KIR3DL2: variants seen among roughly 807,000 people sequenced by gnomAD.
KIR3DL2 encodes killer cell immunoglobulin-like receptor 3DL2.
KIR3DL2 carries 42 observed loss-of-function variants against 41.6 expected under a neutral mutation model. The ratio of observed to expected loss-of-function variants is 1.01; its 90% confidence interval spans 0.79 to 1.31. The LOEUF is 1.31. Among genes scored for constraint, KIR3DL2 ranks in the 50% most tolerant of loss-of-function variants. The probability of loss-of-function intolerance (pLI) is 0.00; values close to 1 mark genes in which losing one functional copy is unlikely to be tolerated. For missense variants in KIR3DL2, 728 were observed against 576.8 expected, an observed-to-expected ratio of 1.26 and a Z score of -2.68; for synonymous variants, 230 against 221.3, an observed-to-expected ratio of 1.04 and a Z score of -0.35.
chr19:54,851,316 A>G (rs1279702071), intron 2 of KIR3DL2, 61 bp downstream of exon 2: 30 of 1,557,218 alleles, frequency 1.9e-5, no homozygotes, highest in Middle Eastern at 1.9e-4. Context: ...TTTCTGAAAC[A>G]GGAGGGAAGT....
chr19:54,851,432 G>C (rs1235056883), intron 2 of KIR3DL2, among the ~76,000 whole-genome samples, 177 bp downstream of exon 2: 6 of 151,124 alleles, frequency 4.0e-5, no homozygotes. Context: ...CCTGAGTCAA[G>C]CTCTGTGAAG....
In KIR3DL2 at chr19:54,857,030, TC is replaced by T. The variant is rs551366200; in HGVS notation, c.949+1120del. Among the ~76,000 whole-genome samples the T allele has an allele frequency of 8.8e-3, 1,337 of 152,196 alleles. 17 individuals are homozygous for T. Among genetic ancestry groups the T allele is most frequent in the Admixed American group, 0.019 (287 of 15,296 alleles). On this transcript the variant is annotated intron_variant, in intron 5 of 8. Transcript: ENST00000326321. ...CAGATATCACTTCGATACACTGATG[TC>T]CTTTCCTTTGGATATAAACCCAGTA...
chr19:54,857,663 T>C (rs2064889740), intron 5 of KIR3DL2, among the ~76,000 whole-genome samples: 1 of 151,698 alleles, frequency 6.6e-6, no homozygotes, highest in Admixed American at 6.6e-5. Flanking sequence ...CTGATTCTCC[T>C]GCCTCAGCCT....
chr19:54,864,011 T>C (rs1486063778), intron 6 of KIR3DL2, among the ~76,000 whole-genome samples: 2 of 151,702 alleles, frequency 1.3e-5, no homozygotes. Flanking sequence ...AAGTCTTTAA[T>C]CCATCTCAAA....
intron 6 of KIR3DL2, among the ~76,000 whole-genome samples, chr19:54,860,931 G>C (rs1238259378): frequency 7.2e-6 from 1 of 138,038 alleles, no homozygotes; most frequent in Admixed American, 7.9e-5. Context: ...GAGAGACGGA[G>C]AGCACACTGG....
At chr19:54,861,499 A>G (rs1007924314) in intron 6 of KIR3DL2, among the ~76,000 whole-genome samples, 14 of 151,326 alleles carry the variant, frequency 9.3e-5, no homozygotes, top group Admixed American at 3.9e-4. Context: ...TACAAAAATT[A>G]AACAGGCATG....
At chr19:54,859,992 G>C (rs680297) in intron 6 of KIR3DL2, among the ~76,000 whole-genome samples, 60,489 of 150,854 alleles carry the variant, frequency 0.4, 12,237 homozygotes, top group South Asian at 0.44. Flanking sequence ...CTCCCTTCTT[G>C]CCCTTCTTTT....
intron 6 of KIR3DL2, among the ~76,000 whole-genome samples, chr19:54,863,954 T>A (rs918588338): frequency 2.2e-4 from 34 of 152,128 alleles, no homozygotes; most frequent in Non-Finnish European, 4.1e-4. Flanking sequence ...TGAATGGTAA[T>A]GCCTAGGTTT....
rs774220383 is a variant in KIR3DL2, at chr19:54,855,881, C to T, written c.918C>T (p.Asn306=). The part of the protein sequence containing the change: ...SFRALPCVWS[N]SSDPLLVSVT... ...GTGCCCTGCCCTGCGTGTGGTCAAA[C>T]TCAAGTGACCCACTGCTTGTTTCTG... is the stretch of plus-strand genomic sequence containing the variant. Residue 306 remains asparagine (N), a synonymous_variant, in exon 5 of 9, where the codon AAC becomes AAT. Coordinates refer to ENST00000326321, the MANE Select transcript of KIR3DL2 (RefSeq NM_006737.4). The T allele has an allele frequency of 6.2e-7, 1 of 1,613,380 alleles. No individual in the cohort carries two copies. Among genetic ancestry groups the T allele is most frequent in the Non-Finnish European group, 8.5e-7 (1 of 1,179,932 alleles).
At chr19:54,862,401 T>C (rs371287072) in intron 6 of KIR3DL2, among the ~76,000 whole-genome samples, 2 of 152,124 alleles carry the variant, frequency 1.3e-5, no homozygotes. Flanking sequence ...GTACTGCACC[T>C]GGGCCTATGC....
chr19:54,851,518 AAGCAG>A (rs1485854157), intron 2 of KIR3DL2, among the ~76,000 whole-genome samples: 3 of 151,320 alleles, frequency 2.0e-5, no homozygotes, highest in Non-Finnish European at 4.4e-5. Context: ...AAAGAGAGGG[AAGCAG>A]TGCTAGGAAC....
chr19:54,855,195 TAGAC>T lies in KIR3DL2; in HGVS notation c.656-420_656-417del, dbSNP rs2064642976. On this transcript the variant is annotated intron_variant, in intron 4 of 8. Coordinates refer to ENST00000326321, the MANE Select transcript of KIR3DL2 (RefSeq NM_006737.4). ...AGATAATACATAGATGATTGATGGA[TAGAC>T]AGATAGACAATTGATAGATAAATGA... Among the ~76,000 whole-genome samples the T allele has an allele frequency of 2.0e-5, 3 of 151,444 alleles. No individual in the cohort carries two copies. In the South Asian group the frequency reaches 6.2e-4, roughly 31 times the overall value.
At chr19:54,851,128 G>A in intron 1 of KIR3DL2, 92 bp from the exon 2 acceptor site, 1 of 1,504,224 alleles carries the variant, frequency 6.6e-7, no homozygotes, top group South Asian at 1.1e-5. Context: ...GCCCAGCAAG[G>A]GCCTGGCTGC....
intron 3 of KIR3DL2, among the ~76,000 whole-genome samples, chr19:54,852,976 T>C (rs1465019205): frequency 3.4e-5 from 5 of 149,112 alleles, no homozygotes; most frequent in African/African-American, 9.9e-5. Flanking sequence ...CCAGGTGTGG[T>C]GGTGGGCACG....
At chr19:54,864,932 T>G (rs1601831231) in intron 6 of KIR3DL2, among the ~76,000 whole-genome samples, 1 of 152,134 alleles carries the variant, frequency 6.6e-6, no homozygotes, top group Admixed American at 6.5e-5. Flanking sequence ...CCCTGTCTTG[T>G]GCCAGTTTTC....
At chr19:54,866,487 G>T (rs1324014957) in intron 8 of KIR3DL2, 35 bp from the exon 9 acceptor site, 1 of 1,613,976 alleles carries the variant, frequency 6.2e-7, no homozygotes, top group Admixed American at 1.7e-5. Flanking sequence ...AAAAATGTGA[G>T]CACCCTCCCT....
At chr19:54,851,180 T>A in intron 1 of KIR3DL2, 40 bp from the exon 2 acceptor site, 1 of 1,608,882 alleles carries the variant, frequency 6.2e-7, no homozygotes, top group East Asian at 2.2e-5. Context: ...TGCCCTGGTT[T>A]GCCTGCAGTT....
rs994220082 is a variant in KIR3DL2 at position 54,853,920 on chromosome 19, A to C, written c.529A>C (p.Lys177Gln). ...TGGACAGATCCATGATGGGGTCTCC[A>C]AGGCCAACTTCTCCATCGGTCCCTT... ...LVGQIHDGVS[K>Q]ANFSIGPLMP... is the part of the protein sequence containing the mutation. The change falls in exon 4 of 9, where the codon AAG becomes CAG. Residue 177 changes from lysine to glutamine, a missense_variant. Transcript: ENST00000326321. 5.0e-6 allele frequency: 8 copies of C among 1,613,280 alleles called. 2 individuals are homozygous for C. The African/African-American group carries it at 5.4e-5, about 11-fold the overall frequency.
chr19:54,860,614 A>G (rs2065101322), intron 6 of KIR3DL2, among the ~76,000 whole-genome samples: 1 of 151,970 alleles, frequency 6.6e-6, no homozygotes, highest in African/African-American at 2.4e-5. Flanking sequence ...ACCTCAGGTG[A>G]TCCAATAGCC....
Sources: allele counts gnomAD v4.1 joint callset (sites outside exome capture counted in the v4.1 genomes callset), GRCh38; gene constraint gnomAD v4.1.1; transcripts MANE v1.5; gene names NCBI Gene and HGNC (gene_info 2026-07-23, HGNC 2026-07-21).